Variants in CERS3 observed in about 807,000 individuals in gnomAD.
The protein encoded by CERS3 is LAG1 homolog, ceramide synthase 3.
CERS3 carries 33 observed loss-of-function variants against 50.3 expected under a neutral mutation model. The ratio of observed to expected loss-of-function variants is 0.66; its 90% CI spans 0.50 to 0.88. CERS3 has a LOEUF of 0.88. Among genes scored for constraint, CERS3 ranks in the 40% least tolerant of loss-of-function variants. CERS3 has a pLI of 0.00. For synonymous variants in CERS3, 176 were observed against 155.2 expected (o/e 1.13, Z -0.99); for missense variants, 470 against 460.3 (o/e 1.02, Z -0.19).
At chr15:100,525,896 T>C (rs1264212682) in intron 1 of CERS3, among the ~76,000 whole-genome samples, 1 of 152,212 alleles carries the variant, frequency 6.6e-6, no homozygotes, top group African/African-American at 2.4e-5. Context: ...TGTCTAGTGT[T>C]GGCACAAGGA....
intron 4 of CERS3, among the ~76,000 whole-genome samples, chr15:100,489,338 G>A (rs2035581822): frequency 6.6e-6 from 1 of 152,134 alleles, no homozygotes; most frequent in African/African-American, 2.4e-5. Flanking sequence ...TGGGCCTTAA[G>A]TTTCCTCATC....
At chr15:100,436,264 C>T (rs1290446561) in intron 11 of CERS3, among the ~76,000 whole-genome samples, 1 of 152,120 alleles carries the variant, frequency 6.6e-6, no homozygotes, top group African/African-American at 2.4e-5. Context: ...AAATGTGGCA[C>T]ATATACACCA....
intron 10 of CERS3, among the ~76,000 whole-genome samples, chr15:100,457,757 A>G (rs987676973): frequency 6.6e-6 from 1 of 152,230 alleles, no homozygotes; most frequent in East Asian, 1.9e-4. Context: ...TATTTTCCAG[A>G]GTGGTAGCTT....
At chr15:100,529,652 T>C (rs2036890519), upstream of CERS3, among the ~76,000 whole-genome samples, 1 of 152,214 alleles carries the variant, frequency 6.6e-6, no homozygotes, top group Non-Finnish European at 1.5e-5. Flanking sequence ...ATAGTGTTTA[T>C]TTGAGATATT....
chr15:100,502,132 C>A (rs1306643471), intron 2 of CERS3, among the ~76,000 whole-genome samples: 2 of 151,460 alleles, frequency 1.3e-5, no homozygotes, highest in Non-Finnish European at 2.9e-5. Context: ...GTAGTCCCAG[C>A]AACTTGGGAG....
chr15:100,465,819 C>T lies in CERS3; in HGVS notation c.845+3559G>A, dbSNP rs182901149. 5.9e-5 allele frequency among the ~76,000 whole-genome samples: 9 copies of T among 152,162 alleles called. No individual in the cohort carries two copies. The East Asian group carries it at 7.8e-4, about 13-fold the overall frequency. ...GATTACTGGCACTCGCCATCACACC[C>T]GGCTAATTTTTGTATTTTTAGTAGA... On this transcript the variant is annotated intron_variant, in intron 10 of 11. Coordinates refer to ENST00000679737, the MANE Select transcript of CERS3 (RefSeq NM_001378789.1).
At chr15:100,512,396 A>C (rs2036369726) in intron 2 of CERS3, among the ~76,000 whole-genome samples, 1 of 152,062 alleles carries the variant, frequency 6.6e-6, no homozygotes, top group East Asian at 1.9e-4. Flanking sequence ...AGATTTCAGC[A>C]CCTCCCTTGG....
chr15:100,473,108 C>T (rs1189039190), intron 8 of CERS3, 56 bp from the exon 9 acceptor site: 1 of 1,532,190 alleles, frequency 6.5e-7, no homozygotes, highest in African/African-American at 1.4e-5. Flanking sequence ...TTCCCAATCA[C>T]TGGAAGAGAT....
chr15:100,490,648 G>C (rs1361605644), intron 4 of CERS3, 169 bp downstream of exon 4: 5 of 562,334 alleles, frequency 8.9e-6, no homozygotes, highest in Admixed American at 3.5e-5. Flanking sequence ...TATCACACTT[G>C]GGATGTTCTA....
chr15:100,508,100 C>T (rs1015356390), intron 2 of CERS3, among the ~76,000 whole-genome samples: 1 of 152,152 alleles, frequency 6.6e-6, no homozygotes, highest in African/African-American at 2.4e-5. Flanking sequence ...GTTGTCTGAA[C>T]CGTAAGTGTA....
At chr15:100,477,270 G>T (rs910309441) in intron 7 of CERS3, among the ~76,000 whole-genome samples, 1 of 152,324 alleles carries the variant, frequency 6.6e-6, no homozygotes, top group East Asian at 1.9e-4. Context: ...GTTTGGTCTA[G>T]CTAATTCTTA....
chr15:100,437,266 A>G (rs2033462056), intron 11 of CERS3, among the ~76,000 whole-genome samples: 1 of 152,118 alleles, frequency 6.6e-6, no homozygotes, highest in African/African-American at 2.4e-5. Flanking sequence ...CATTTCTAAC[A>G]TACTTTATTT....
At chr15:100,468,757 T>C (rs1436951487) in intron 10 of CERS3, among the ~76,000 whole-genome samples, 3 of 152,234 alleles carry the variant, frequency 2.0e-5, no homozygotes, top group Non-Finnish European at 4.4e-5. Flanking sequence ...ATGGGAGATG[T>C]AATATATGCT....
At chr15:100,514,423 A>G (rs981641820) in intron 2 of CERS3, among the ~76,000 whole-genome samples, 8 of 152,228 alleles carry the variant, frequency 5.3e-5, no homozygotes, top group African/African-American at 1.7e-4. Flanking sequence ...CACAAATGAT[A>G]CTATCCTTTT....
chr15:100,450,684 G>A (rs1187306838), intron 11 of CERS3, among the ~76,000 whole-genome samples: 1 of 152,148 alleles, frequency 6.6e-6, no homozygotes, highest in Non-Finnish European at 1.5e-5. Context: ...AAGAGATTTA[G>A]ACATCCAGAT....
intron 9 of CERS3, 92 bp downstream of exon 9, chr15:100,472,832 G>A: frequency 3.4e-6 from 5 of 1,472,776 alleles, no homozygotes; most frequent in Non-Finnish European, 4.7e-6. Flanking sequence ...AGGACACAGA[G>A]CTCTGCTAAA....
intron 10 of CERS3, among the ~76,000 whole-genome samples, chr15:100,464,612 A>G (rs1221119514): frequency 6.6e-6 from 1 of 152,222 alleles, no homozygotes; most frequent in Non-Finnish European, 1.5e-5. Flanking sequence ...GCCTGGCCTT[A>G]GAAAGGTCTT....
At chr15:100,532,910 G>GTGAAGCCTA (rs2142416320), upstream of CERS3, among the ~76,000 whole-genome samples, 1 of 152,276 alleles carries the variant, frequency 6.6e-6, no homozygotes, top group Admixed American at 6.5e-5. Context: ...CCGCTCAAAT[G>GTGAAGCCTA]TGAAGCCTAT....
intron 7 of CERS3, 123 bp from the exon 8 acceptor site, chr15:100,476,301 GATATTTCAATTT>G: frequency 2.0e-6 from 1 of 489,510 alleles, no homozygotes; most frequent in Non-Finnish European, 3.7e-6. Flanking sequence ...AACATTGACT[GATATTTCAATTT>G]ATATTTCAAC....
Sources: gnomAD v4.1 joint callset for allele counts (sites outside exome capture counted in the v4.1 genomes callset) on GRCh38, gnomAD v4.1.1 for gene constraint, MANE v1.5 for transcripts, NCBI Gene and HGNC (gene_info 2026-07-23, HGNC 2026-07-21) for gene names.